The following GTPBP1 variants were observed in gnomAD, a reference collection of about 807,000 sequenced individuals.
The protein encoded by GTPBP1 is GTP binding protein 1.
Under a neutral mutation model 62.0 loss-of-function variants are expected in GTPBP1, and 23 were observed. That is an observed-to-expected ratio of 0.37 (90% CI 0.27 to 0.53). The LOEUF is 0.53. Among genes scored for constraint, GTPBP1 ranks in the 20% least tolerant of loss-of-function variants. The pLI is 0.89. For missense variants in GTPBP1, 640 were observed against 917.3 expected (o/e 0.70, Z 3.90); for synonymous variants, 344 against 364.4 (o/e 0.94, Z 0.64).
At chr22:38,739,767 C>T, downstream of GTPBP1, 1 of 1,613,690 alleles carries the variant, frequency 6.2e-7, no homozygotes, top group East Asian at 2.2e-5. The surrounding 1 kb of genome is among the most constrained non-coding windows in gnomAD (Gnocchi z 6.7). Context: ...GCGTCAGGCT[C>T]AGGGAGGCCG....
chr22:38,728,578 T>C (rs2092739190), intron 10 of GTPBP1: 1 of 205,214 alleles, frequency 4.9e-6, no homozygotes, highest in African/African-American at 2.2e-5. Flanking sequence ...TGGTGTATCC[T>C]GGACACTTGC....
Position 38,729,738 on chromosome 22 carries a change from T to C in GTPBP1, c.1917+76T>C, listed in dbSNP as rs975284900. On this transcript the variant is annotated intron_variant, in intron 11 of 11. Coordinates refer to ENST00000216044, the MANE Select transcript of GTPBP1 (RefSeq NM_004286.5). ...TTACTCTGATTCGGTGAGGGTGACA[T>C]GTAGGCAAGCCTCAAACCTGGCTAG... 1.2e-5 allele frequency: 14 copies of C among 1,177,120 alleles called. No individual in the cohort carries two copies. The African/African-American group carries it at 2.2e-4, about 19-fold the overall frequency. 72.9% of individuals were successfully genotyped at this position (1,177,120 alleles called of 1,614,324 possible).
chr22:38,729,552 G>A lies in GTPBP1; in HGVS notation c.1807G>A (p.Asp603Asn), dbSNP rs777206173. 7.5e-6 allele frequency: 12 copies of A among 1,604,456 alleles called. No individual in the cohort carries two copies. Among genetic ancestry groups the A allele is most frequent in the Admixed American group, 1.7e-5 (1 of 58,780 alleles). Residue 603 changes from aspartate to asparagine, a missense_variant, in exon 11 of 12, where the codon GAC (aspartate) becomes AAC (asparagine). Transcript: ENST00000216044. ...GAAAAAGGGCCCCCTGACGAAACGA[G>A]ACGAGGGGGGCCCGTCTGGTGGGCC... ...STKKGPLTKR[D>N]EGGPSGGPAV...
chr22:38,738,140 C>T (rs758511415), downstream of GTPBP1: 16 of 1,600,750 alleles, frequency 1.0e-5, no homozygotes, highest in South Asian at 2.2e-5. This position sits in a 1 kb window ranked among gnomAD's most constrained non-coding sequence, Gnocchi z 6.6. Flanking sequence ...GGGGAGTCTG[C>T]GCCACTTCTG....
chr22:38,738,381 G>T, downstream of GTPBP1: 1 of 1,112,894 alleles, frequency 9.0e-7, no homozygotes, highest in Non-Finnish European at 1.3e-6. This position sits in a 1 kb window ranked among gnomAD's most constrained non-coding sequence, Gnocchi z 6.6. Flanking sequence ...CCTATGACAA[G>T]TCACTTCACT....
At chr22:38,713,150 C>G (rs1480992911) in intron 2 of GTPBP1, among the ~76,000 whole-genome samples, 1 of 152,086 alleles carries the variant, frequency 6.6e-6, no homozygotes, top group East Asian at 1.9e-4. Flanking sequence ...GATAGGAAAT[C>G]CATGAGCAAA....
downstream of GTPBP1, chr22:38,736,221 G>T (rs771079463): frequency 6.4e-7 from 1 of 1,557,584 alleles, no homozygotes; most frequent in Non-Finnish European, 8.8e-7. Flanking sequence ...GCGGGGTGCT[G>T]TTCACCCACT....
intron 4 of GTPBP1, among the ~76,000 whole-genome samples, chr22:38,719,628 G>GTT (rs747099709): frequency 2.1e-5 from 3 of 143,284 alleles, no homozygotes; most frequent in Admixed American, 7.0e-5. Flanking sequence ...GTTTAGTTTG[G>GTT]TTTTTTTTTT....
intron 1 of GTPBP1, among the ~76,000 whole-genome samples, chr22:38,708,463 T>C (rs966838979): frequency 1.3e-5 from 2 of 152,192 alleles, no homozygotes; most frequent in Non-Finnish European, 2.9e-5. Context: ...ATATGTCTTG[T>C]GGGCTTCCAG....
At position 38,729,565 on chromosome 22, in the gene GTPBP1, C is replaced by A; in HGVS notation, c.1820C>A (p.Pro607Gln). The A allele has an allele frequency of 1.3e-6, 2 of 1,599,150 alleles. No individual in the cohort carries two copies. Among genetic ancestry groups the A allele is most frequent in the South Asian group, 1.1e-5 (1 of 89,218 alleles). ...GPLTKRDEGG[P>Q]SGGPAVGAPP... is the part of the protein sequence containing the mutation. ...CTGACGAAACGAGACGAGGGGGGCC[C>A]GTCTGGTGGGCCAGCAGTAGGAGCA... Residue 607 changes from proline (P) to glutamine (Q), a missense_variant, in exon 11 of 12, where the codon CCG becomes CAG. By Grantham distance (76) the Pro-to-Gln change is moderately conservative. Around this residue, in one of 4 missense-constraint regions of GTPBP1, gnomAD observed 117 missense variants for 107.1 expected, o/e 1.09. Transcript: ENST00000216044.
chr22:38,720,949 A>G (rs563411902), intron 4 of GTPBP1, among the ~76,000 whole-genome samples: 1 of 152,336 alleles, frequency 6.6e-6, no homozygotes, highest in Non-Finnish European at 1.5e-5. Flanking sequence ...TCTGTCACCC[A>G]GGCTAGAGTG....
chr22:38,736,199 G>C, downstream of GTPBP1: 1 of 1,444,536 alleles, frequency 6.9e-7, no homozygotes, highest in South Asian at 1.2e-5. Context: ...GAGCAAGCGT[G>C]TGGGGGAAGC....
Position 38,715,911 on chromosome 22 carries a change from G to C in GTPBP1, c.309G>C (p.Gly103=). Reference sequence around the variant, plus strand: ...TGTCTGGGCTCTTGTCACCAGATGGGACTGAGTATGGGCTGAGTGAAGCTG... The same window carrying C: ...TGTCTGGGCTCTTGTCACCAGATGGCACTGAGTATGGGCTGAGTGAAGCTG... The part of the protein sequence containing the change: ...TIYVIGQGSD[G]TEYGLSEADM... Residue 103 remains glycine (G), a synonymous_variant, in exon 3 of 12, where the codon GGG becomes GGC. Transcript: ENST00000216044. The C allele has an allele frequency of 6.2e-7, 1 of 1,608,860 alleles. No homozygotes were observed. The highest frequency in any genetic ancestry group is 8.5e-7 in the Non-Finnish European group (1 of 1,177,508).
intron 2 of GTPBP1, among the ~76,000 whole-genome samples, chr22:38,714,475 T>G (rs2092657675): frequency 1.0e-5 from 1 of 95,404 alleles, no homozygotes; most frequent in African/African-American, 5.4e-5. Context: ...TGAGACTCCA[T>G]CTCAAAAAAA....
chr22:38,724,727 G>C (rs2092718360), intron 6 of GTPBP1, among the ~76,000 whole-genome samples: 1 of 152,120 alleles, frequency 6.6e-6, no homozygotes, highest in African/African-American at 2.4e-5. Context: ...TCCCTGTAGG[G>C]CTCCCGTGAA....
intron 2 of GTPBP1, among the ~76,000 whole-genome samples, chr22:38,712,545 G>T (rs926186748): frequency 6.6e-6 from 1 of 152,178 alleles, no homozygotes; most frequent in Admixed American, 6.5e-5. Context: ...AAAAGTGAAT[G>T]AGCCGGCAGG....
At chr22:38,728,442 C>T (rs1243399074) in intron 10 of GTPBP1, 1 of 437,508 alleles carries the variant, frequency 2.3e-6, no homozygotes, top group Non-Finnish European at 4.2e-6. Context: ...GCTCAGCCTC[C>T]AGGGTGCTGT....
chr22:38,723,111 A>C, intron 5 of GTPBP1: 1 of 775,938 alleles, frequency 1.3e-6, no homozygotes, highest in Non-Finnish European at 2.4e-6. Flanking sequence ...GAATCCACTG[A>C]GACCACAACT....
Position 38,708,913 on chromosome 22 carries a change from C to A in GTPBP1, c.261C>A (p.Asp87Glu). 6.2e-7 allele frequency: 1 copy of A among 1,608,708 alleles called. No homozygotes were observed. The highest frequency in any genetic ancestry group is 1.1e-5 in the South Asian group (1 of 90,998). The part of the protein sequence containing the change: ...SLLRQMWERM[D>E]EGCGETIYVI... ...TTCGGCAGATGTGGGAGAGGATGGA[C>A]GAGGGATGCGGAGAGACCATATATG... is the stretch of plus-strand genomic sequence containing the variant. Residue 87 changes from aspartate (D) to glutamate (E), a missense_variant, in exon 2 of 12, where the codon GAC becomes GAA. Physicochemically the swap from Asp to Glu is conservative, Grantham distance 45. Transcript: ENST00000216044.
Sources: allele counts gnomAD v4.1 joint callset (sites outside exome capture counted in the v4.1 genomes callset), GRCh38; gene constraint gnomAD v4.1.1; regional missense constraint gnomAD v4.1.1; non-coding constraint Gnocchi (gnomAD v3.1); transcripts MANE v1.5; gene names NCBI Gene and HGNC (gene_info 2026-07-23, HGNC 2026-07-21).